DGKG: variants seen among roughly 807,000 people sequenced by gnomAD.
The protein encoded by DGKG is diacylglycerol kinase gamma.
Under a neutral mutation model 105.3 loss-of-function variants are expected in DGKG, and 78 were observed. The observed-to-expected ratio is 0.74, with a 90% confidence interval of 0.62 to 0.89. DGKG has a LOEUF of 0.89. Ranked by LOEUF, DGKG falls within the 40% of genes least tolerant of loss-of-function variation. DGKG has a pLI of 0.00. For synonymous variants in DGKG, 346 were observed against 367.1 expected (o/e 0.94, Z 0.66); for missense variants, 958 against 1,020.1 (o/e 0.94, Z 0.83).
chr3:186,282,253 C>G (rs1329395672), intron 7 of DGKG, among the ~76,000 whole-genome samples: 1 of 152,046 alleles, frequency 6.6e-6, no homozygotes, highest in Non-Finnish European at 1.5e-5. Flanking sequence ...AAAACGATTC[C>G]CCACCACAAA....
At chr3:186,182,850 G>C in intron 22 of DGKG, among the ~76,000 whole-genome samples, 1 of 152,144 alleles carries the variant, frequency 6.6e-6, no homozygotes, top group South Asian at 2.1e-4. Context: ...AGCCAGGCAG[G>C]GTGGGAGGCT....
At chr3:186,282,604 C>T (rs953384193) in intron 7 of DGKG, among the ~76,000 whole-genome samples, 4 of 152,098 alleles carry the variant, frequency 2.6e-5, no homozygotes, top group African/African-American at 9.6e-5. Context: ...CCTCCACCTC[C>T]TGGGTTCAAG....
intron 20 of DGKG, among the ~76,000 whole-genome samples, chr3:186,215,758 T>G (rs1719256227): frequency 6.6e-6 from 1 of 152,116 alleles, no homozygotes; most frequent in Admixed American, 6.5e-5. Flanking sequence ...AGTTTTTGTC[T>G]TAGACAGCGT....
At chr3:186,198,438 TGATGA>T (rs771199075) in intron 21 of DGKG, among the ~76,000 whole-genome samples, 2 of 152,210 alleles carry the variant, frequency 1.3e-5, no homozygotes, top group Non-Finnish European at 2.9e-5. Context: ...CTATCAAGAA[TGATGA>T]GAACCTACTT....
chr3:186,309,639 T>G (rs1217530973), intron 2 of DGKG, among the ~76,000 whole-genome samples: 1 of 152,150 alleles, frequency 6.6e-6, no homozygotes, highest in African/African-American at 2.4e-5. Flanking sequence ...AAAATAAAAA[T>G]CTGAGAACAT....
intron 22 of DGKG, among the ~76,000 whole-genome samples, chr3:186,186,345 C>T (rs758880356): frequency 2.1e-4 from 32 of 152,278 alleles, no homozygotes; most frequent in Admixed American, 4.6e-4. Flanking sequence ...AGCACACAGA[C>T]GCAGAGCCAT....
At chr3:186,171,005 A>C (rs1341195974) in intron 22 of DGKG, among the ~76,000 whole-genome samples, 3 of 152,196 alleles carry the variant, frequency 2.0e-5, no homozygotes, top group Non-Finnish European at 4.4e-5. Context: ...AAAAACAAAA[A>C]ACAAAAACAA....
intron 8 of DGKG, 96 bp downstream of exon 8, chr3:186,280,574 G>T: frequency 3.2e-6 from 3 of 924,810 alleles, no homozygotes; most frequent in Non-Finnish European, 5.1e-6. Flanking sequence ...GAGTCTGGGA[G>T]CACCTGCAGG....
chr3:186,237,482 C>T lies in DGKG; in HGVS notation c.1826+5022G>A, dbSNP rs144683017. On this transcript the variant is annotated intron_variant, in intron 20 of 24. Transcript: ENST00000265022. Reference sequence around the variant, plus strand: ...GACTGGATGGTGTACCTGTTCTCCTCCCCTTTGGAACTCAGCAGGCATTTT... The same window carrying T: ...GACTGGATGGTGTACCTGTTCTCCTTCCCTTTGGAACTCAGCAGGCATTTT... Among the ~76,000 whole-genome samples, 1,044 of 152,258 alleles carry T rather than the reference C, an allele frequency of 6.9e-3. 8 individuals carry two copies. Among genetic ancestry groups the T allele is most frequent in the African/African-American group, 0.024 (992 of 41,528 alleles).
At chr3:186,295,281 T>A (rs1723494116) in intron 5 of DGKG, among the ~76,000 whole-genome samples, 1 of 152,050 alleles carries the variant, frequency 6.6e-6, no homozygotes, top group Non-Finnish European at 1.5e-5. Context: ...GGTGGGCAGA[T>A]CACGAGGTCA....
At chr3:186,279,245 G>A (rs1722721224) in intron 9 of DGKG, 1 of 152,190 alleles carries the variant, frequency 6.6e-6, no homozygotes. Flanking sequence ...TCTTCCCACT[G>A]GCCTAACTCT....
intron 16 of DGKG, among the ~76,000 whole-genome samples, 189 bp downstream of exon 16, chr3:186,260,250 G>T (rs1721698928): frequency 6.6e-6 from 1 of 152,176 alleles, no homozygotes; most frequent in Non-Finnish European, 1.5e-5. Context: ...AACAGAGTTA[G>T]CCTTCCTGGG....
Position 186,255,198 on chromosome 3 carries a change from T to A in DGKG, c.1511-2016A>T, listed in dbSNP as rs552370422. ...GACTGGGTCTCATTCTCACAGCATC[T>A]TCATACATATCGACTGAAGCCTGCT... On this transcript the variant is annotated intron_variant, in intron 17 of 24. Transcript: ENST00000265022. Among the ~76,000 whole-genome samples the A allele has an allele frequency of 5.6e-4, 85 of 152,366 alleles. 1 individual carries two copies. Among genetic ancestry groups the A allele is most frequent in the African/African-American group, 1.9e-3 (81 of 41,592 alleles).
chr3:186,279,054 T>A (rs951886447), intron 9 of DGKG: 2 of 152,270 alleles, frequency 1.3e-5, no homozygotes, highest in Admixed American at 1.3e-4. Flanking sequence ...TGCCCTACTC[T>A]GATCAAATGG....
At chr3:186,177,914 T>C (rs1300056123) in intron 22 of DGKG, among the ~76,000 whole-genome samples, 2 of 152,188 alleles carry the variant, frequency 1.3e-5, no homozygotes, top group Non-Finnish European at 2.9e-5. Flanking sequence ...CCCATATTCA[T>C]ATGTTGAAGC....
rs190192917 is a variant in DGKG at position 186,231,405 on chromosome 3, A to G, written c.1826+11099T>C. Among the ~76,000 whole-genome samples the G allele has an allele frequency of 8.3e-4, 126 of 152,320 alleles. 2 individuals are homozygous for G. The highest frequency in any genetic ancestry group is 3.0e-3 in the African/African-American group (124 of 41,566). On this transcript the variant is annotated intron_variant, in intron 20 of 24. Coordinates refer to ENST00000265022, the MANE Select transcript of DGKG (RefSeq NM_001346.3). The surrounding 1 kb of genome is among the most constrained non-coding windows in gnomAD (Gnocchi z 4.5). ...ACTAGTGTGGTCTTGAGCAAGTTGCATCATCTCTATGAGCCTCACTTTTCT... is the reference window on the plus strand; with the variant it reads ...ACTAGTGTGGTCTTGAGCAAGTTGCGTCATCTCTATGAGCCTCACTTTTCT...
chr3:186,261,015 G>A (rs372525858), intron 15 of DGKG, among the ~76,000 whole-genome samples: 38 of 152,306 alleles, frequency 2.5e-4, no homozygotes, highest in African/African-American at 7.9e-4. Context: ...CTGAGAGGCC[G>A]TGACTGCACC....
chr3:186,345,395 T>G (rs12233555), intron 1 of DGKG, among the ~76,000 whole-genome samples: 51,689 of 151,980 alleles, frequency 0.34, 11,201 homozygotes, highest in African/African-American at 0.62. Flanking sequence ...TATAACTGAG[T>G]TGTTTGGTGT....
intron 1 of DGKG, among the ~76,000 whole-genome samples, chr3:186,321,463 T>C (rs1725071981): frequency 6.6e-6 from 1 of 152,248 alleles, no homozygotes. Context: ...CACCCATGGT[T>C]ATACTGATCA....
Sources: allele counts gnomAD v4.1 joint callset (sites outside exome capture counted in the v4.1 genomes callset), GRCh38; gene constraint gnomAD v4.1.1; non-coding constraint Gnocchi (gnomAD v3.1); transcripts MANE v1.5; gene names NCBI Gene and HGNC (gene_info 2026-07-23, HGNC 2026-07-21).